AGK: variants seen among roughly 807,000 people sequenced by gnomAD.
AGK encodes the protein acylglycerol kinase, mitochondrial.
AGK carries 52 observed loss-of-function variants against 66.4 expected under a neutral mutation model. The observed-to-expected ratio is 0.78, with a 90% CI of 0.63 to 0.99. The LOEUF (loss-of-function observed/expected upper bound fraction) is 0.99. Ranked by LOEUF, AGK falls within the 50% of genes least tolerant of loss-of-function variation. AGK has a pLI of 0.00. For synonymous variants in AGK, 182 were observed against 181.1 expected (o/e 1.00, Z -0.04); for missense variants, 451 against 506.6 (o/e 0.89, Z 1.05).
intron 5 of AGK, among the ~76,000 whole-genome samples, chr7:141,602,719 T>A (rs754707644): frequency 1.1e-4 from 17 of 152,068 alleles, no homozygotes; most frequent in Non-Finnish European, 2.1e-4. Context: ...TTTAAAAAAA[T>A]TTTTCTGCTG....
chr7:141,619,329 C>T (rs1796775023), intron 8 of AGK, among the ~76,000 whole-genome samples: 1 of 152,138 alleles, frequency 6.6e-6, no homozygotes, highest in East Asian at 1.9e-4. Flanking sequence ...CAGTGTGGTG[C>T]TGGCAAAACA....
At chr7:141,604,392 A>G (rs1212932141) in intron 5 of AGK, among the ~76,000 whole-genome samples, 1 of 144,860 alleles carries the variant, frequency 6.9e-6, no homozygotes, top group Non-Finnish European at 1.5e-5. Context: ...ATATATATAT[A>G]TATATATATA....
intron 5 of AGK, among the ~76,000 whole-genome samples, chr7:141,606,201 CA>C (rs1327422615): frequency 1.3e-5 from 2 of 152,166 alleles, no homozygotes; most frequent in African/African-American, 4.8e-5. Context: ...TCATGTGAAA[CA>C]AGCCTAATCT....
chr7:141,620,689 C>A (rs1796805104), intron 8 of AGK, among the ~76,000 whole-genome samples: 1 of 152,144 alleles, frequency 6.6e-6, no homozygotes, highest in African/African-American at 2.4e-5. Flanking sequence ...CTACTGGGAT[C>A]CAGTCATAAG....
intron 8 of AGK, 136 bp from the exon 9 acceptor site, chr7:141,621,596 G>A (rs1276774947): frequency 4.2e-6 from 2 of 479,944 alleles, no homozygotes; most frequent in Non-Finnish European, 7.6e-6. Context: ...GAAGGAGGGG[G>A]AGAGAGAGAG....
intron 2 of AGK, among the ~76,000 whole-genome samples, chr7:141,564,580 A>G (rs1795426689): frequency 6.6e-6 from 1 of 152,190 alleles, no homozygotes; most frequent in African/African-American, 2.4e-5. Flanking sequence ...GTAGTTCAGG[A>G]TGAGATTTGG....
At chr7:141,575,683 TG>T (rs1795722265) in intron 2 of AGK, among the ~76,000 whole-genome samples, 1 of 138,976 alleles carries the variant, frequency 7.2e-6, no homozygotes, top group Non-Finnish European at 1.5e-5. Flanking sequence ...TTTTTTTTTT[TG>T]GGCCTGGCTG....
intron 9 of AGK, among the ~76,000 whole-genome samples, chr7:141,632,009 A>C (rs1345594935): frequency 6.6e-6 from 1 of 152,122 alleles, no homozygotes; most frequent in African/African-American, 2.4e-5. Context: ...CAGGTGGATC[A>C]TCTGAGGTCA....
chr7:141,604,387 T>C (rs1261427146), intron 5 of AGK, among the ~76,000 whole-genome samples: 1 of 144,326 alleles, frequency 6.9e-6, no homozygotes, highest in South Asian at 2.2e-4. Flanking sequence ...TATATATATA[T>C]ATATATATAT....
intron 13 of AGK, among the ~76,000 whole-genome samples, chr7:141,647,951 G>A (rs999438093): frequency 2.6e-5 from 4 of 152,186 alleles, no homozygotes; most frequent in Non-Finnish European, 5.9e-5. Context: ...GATCACAGGC[G>A]TGAGCCACCG....
intron 5 of AGK, among the ~76,000 whole-genome samples, chr7:141,601,605 ATTAAT>A (rs1796341820): frequency 6.6e-6 from 1 of 152,188 alleles, no homozygotes; most frequent in Non-Finnish European, 1.5e-5. Context: ...AGTCTGAGTA[ATTAAT>A]TTAATTTCTT....
intron 2 of AGK, among the ~76,000 whole-genome samples, chr7:141,586,213 A>G (rs1384479092): frequency 6.6e-6 from 1 of 152,050 alleles, no homozygotes; most frequent in Non-Finnish European, 1.5e-5. Context: ...ACACCCACAC[A>G]CCCTGGGAGC....
chr7:141,644,262 T>C (rs958532049), intron 13 of AGK, among the ~76,000 whole-genome samples: 2 of 152,178 alleles, frequency 1.3e-5, no homozygotes, highest in Non-Finnish European at 2.9e-5. Context: ...ACTGAATGGA[T>C]TGAGTTCAGT....
chr7:141,570,630 T>A (rs1214279244), intron 2 of AGK, among the ~76,000 whole-genome samples: 3 of 151,818 alleles, frequency 2.0e-5, no homozygotes, highest in Non-Finnish European at 2.9e-5. Flanking sequence ...TCCTCTACTT[T>A]TTTTTTTTTG....
intron 8 of AGK, among the ~76,000 whole-genome samples, chr7:141,618,898 T>G (rs994267981): frequency 6.6e-6 from 1 of 152,156 alleles, no homozygotes; most frequent in African/African-American, 2.4e-5. Context: ...CCGTATTTAT[T>G]TTTCCAAAAT....
chr7:141,571,665 C>T (rs1221620929), intron 2 of AGK, among the ~76,000 whole-genome samples: 1 of 152,168 alleles, frequency 6.6e-6, no homozygotes, highest in Non-Finnish European at 1.5e-5. Context: ...TTAGAGTTCA[C>T]TAGAGCAAAA....
chr7:141,625,470 C>T (rs1796918875), intron 9 of AGK, among the ~76,000 whole-genome samples: 1 of 152,118 alleles, frequency 6.6e-6, no homozygotes, highest in African/African-American at 2.4e-5. Flanking sequence ...CTGCTTCCAC[C>T]TCCTAAGTAG....
At position 141,641,239 on chromosome 7, in the gene AGK, C is replaced by T. The variant is rs199977261; in HGVS notation, c.727-9C>T. 3.5e-4 allele frequency: 565 copies of T among 1,593,172 alleles called. 1 individual carries two copies. The highest frequency in any genetic ancestry group is 4.7e-4 in the Non-Finnish European group (550 of 1,174,670). ...GCATAACAAAATTTTTCTCTCTCCA[C>T]ATTAAAAGGAGTGGCCTCAGACTCA... On this transcript the variant is annotated splice_polypyrimidine_tract_variant and intron_variant, in intron 11 of 15. Transcript: ENST00000649286.
Position 141,611,177 on chromosome 7 carries a change from GCTTC to G in AGK, c.298-14_298-11del. ...CTCTAGGTTGATAAACTCACCAAAG[GCTTC>G]CTTGGTATTTCAGACAGATTATGAG... On this transcript the variant is annotated splice_polypyrimidine_tract_variant and intron_variant, in intron 5 of 15. Coordinates refer to ENST00000649286, the MANE Select transcript of AGK (RefSeq NM_018238.4). The G allele has an allele frequency of 6.4e-7, 1 of 1,564,848 alleles. No homozygotes were observed. The highest frequency in any genetic ancestry group is 8.8e-7 in the Non-Finnish European group (1 of 1,137,668).
Sources: allele counts gnomAD v4.1 joint callset (sites outside exome capture counted in the v4.1 genomes callset), GRCh38; gene constraint gnomAD v4.1.1; transcripts MANE v1.5; gene names NCBI Gene and HGNC (gene_info 2026-07-23, HGNC 2026-07-21).